Variants in POLR2F observed in about 807,000 individuals in gnomAD.
POLR2F encodes the protein RNA polymerase II, I and III subunit F.
POLR2F carries 12 observed loss-of-function variants against 22.7 expected under a neutral mutation model. That is an observed-to-expected ratio of 0.53 (90% CI 0.34 to 0.86). The LOEUF (loss-of-function observed/expected upper bound fraction) is 0.86, where lower values mean the gene tolerates loss of function less well. POLR2F is among the 40% of genes least tolerant of loss of function. POLR2F has a pLI of 0.02. For synonymous variants in POLR2F, 57 were observed against 66.0 expected (o/e 0.86, Z 0.66); for missense variants, 126 against 171.5 (o/e 0.73, Z 1.48).
Position 38,000,069 on chromosome 22 carries a change from G to A in POLR2F, c.120+13757G>A, listed in dbSNP as rs2084755091. Among the ~76,000 whole-genome samples the A allele has an allele frequency of 2.0e-5, 3 of 152,150 alleles. No individual in the cohort carries two copies. In the South Asian group the frequency reaches 6.2e-4, roughly 32 times the overall value. Reference sequence around the variant, plus strand: ...GCTTATTGGCCCCCAGACCTCCTGTGTGCCAGCGTCATTTCCATATCTGGT... The same window carrying A: ...GCTTATTGGCCCCCAGACCTCCTGTATGCCAGCGTCATTTCCATATCTGGT... On this transcript the variant is annotated intron_variant, in intron 1 of 2. Transcript: ENST00000333418.
Position 37,978,797 on chromosome 22 carries a change from G to A in POLR2F, c.293+11627G>A, listed in dbSNP as rs759842972. On this transcript the variant is annotated intron_variant, in intron 4 of 4. Transcript: ENST00000405557. This position sits in a 1 kb window ranked among gnomAD's most constrained non-coding sequence, Gnocchi z 5.0. ...TTCTTTCTTTCTTTTTTTTTTCTGT[G>A]AGGGAATCTCACTCTGTCACCCATG... is the stretch of plus-strand genomic sequence containing the variant. Among the ~76,000 whole-genome samples, 6 of 151,612 alleles carry A rather than the reference G, an allele frequency of 4.0e-5. No individual in the cohort carries two copies. Among genetic ancestry groups the A allele is most frequent in the Admixed American group, 6.6e-5 (1 of 15,226 alleles).
chr22:37,999,714 GC>G (rs1465009064), intron 1 of POLR2F, among the ~76,000 whole-genome samples: 1 of 152,124 alleles, frequency 6.6e-6, no homozygotes, highest in Non-Finnish European at 1.5e-5. Flanking sequence ...CCACTCCTTG[GC>G]CCTGTGACCT....
chr22:38,034,750 C>T lies in POLR2F; in HGVS notation c.453-6318C>T, dbSNP rs3026671. 4.2e-3 allele frequency among the ~76,000 whole-genome samples: 633 copies of T among 152,270 alleles called. 6 individuals carry two copies. Among genetic ancestry groups the T allele is most frequent in the Admixed American group, 7.4e-3 (113 of 15,302 alleles). ...TGGAGGGGGTTGTGCCTGCGCAGCT[C>T]GGAACAATGAGTCAGAAGCAGCCAG... On this transcript the variant is annotated intron_variant, in intron 5 of 5. Coordinates refer to the POLR2F transcript ENST00000407936.
chr22:38,022,397 C>T (rs1250060467), intron 1 of POLR2F, among the ~76,000 whole-genome samples: 1 of 151,126 alleles, frequency 6.6e-6, no homozygotes, highest in African/African-American at 2.4e-5. Flanking sequence ...ACTAAAAATA[C>T]AAAATTAGCT....
chr22:38,025,895 G>A (rs1271073063), exon 2 of POLR2F: 9 of 808,946 alleles, frequency 1.1e-5, no homozygotes, highest in African/African-American at 1.0e-4. Context: ...TCTCCCTCCT[G>A]TCTTCTACAT....
At chr22:37,971,430 C>T, downstream of POLR2F, 1 of 397,176 alleles carries the variant, frequency 2.5e-6, no homozygotes, top group Non-Finnish European at 5.2e-6. Context: ...GAACTTCCAA[C>T]CATCGGAGTT....
intron 1 of POLR2F, among the ~76,000 whole-genome samples, chr22:37,994,304 G>A (rs1261517369): frequency 2.0e-5 from 3 of 152,158 alleles, no homozygotes; most frequent in African/African-American, 7.2e-5. Flanking sequence ...ACGCACCCCA[G>A]CTCACCTTCA....
In POLR2F at chr22:37,953,741, C is replaced by G; in HGVS notation, c.-47C>G. ...AGTCGTAGTGTCGCTGTTTGCGGGT[C>G]TCCGCGCGGGACCGGGGCGCAGCGG... is the stretch of plus-strand genomic sequence containing the variant. On this transcript the variant is annotated 5_prime_UTR_variant, in exon 1 of 5. Coordinates refer to ENST00000442738, the MANE Select transcript of POLR2F (RefSeq NM_021974.5). 6.3e-7 allele frequency: 1 copy of G among 1,595,414 alleles called. No homozygotes were observed. The highest frequency in any genetic ancestry group is 1.1e-5 in the South Asian group (1 of 88,512).
intron 1 of POLR2F, among the ~76,000 whole-genome samples, chr22:37,956,541 C>G (rs562387946): frequency 6.6e-6 from 1 of 152,030 alleles, no homozygotes; most frequent in Non-Finnish European, 1.5e-5. Context: ...CTCAGCCCCC[C>G]AAGTAGCTGG....
Position 37,978,866 on chromosome 22 carries a change from TC to T in POLR2F, c.293+11699del. On this transcript the variant is annotated intron_variant, in intron 4 of 4. Coordinates refer to the POLR2F transcript ENST00000405557. This position sits in a 1 kb window ranked among gnomAD's most constrained non-coding sequence, Gnocchi z 5.0. The stretch of plus-strand genomic sequence containing the variant: ...ATCTCAGCTCACTGCAACCTCTGCC[TC>T]CCAGGTTCAAGTGATTCTTGTGCCT... 6.6e-6 allele frequency among the ~76,000 whole-genome samples: 1 copy of T among 152,240 alleles called. No homozygotes were observed. Among genetic ancestry groups the T allele is most frequent in the African/African-American group, 2.4e-5 (1 of 41,544 alleles).
In POLR2F at chr22:37,968,685, G is replaced by C; in HGVS notation, c.*970G>C. 1.0e-6 allele frequency: 1 copy of C among 985,452 alleles called. No individual in the cohort carries two copies. Among genetic ancestry groups the C allele is most frequent in the Non-Finnish European group, 1.2e-6 (1 of 829,944 alleles). The allele number at this position is 985,452 out of a possible 1,614,324, so 61.0% of individuals were successfully genotyped here. A position where few individuals can be genotyped will look rare whatever the true frequency, so the allele number is the denominator to read the frequency against. The stretch of plus-strand genomic sequence containing the variant: ...GAGGGTGTATATTGACATGAACAGG[G>C]ATAGAGGGTAAACTGGCTCCCTGAA... On this transcript the variant is annotated 3_prime_UTR_variant, in exon 5 of 5. Transcript: ENST00000442738.
chr22:38,038,246 G>A (rs2085135237), intron 5 of POLR2F, among the ~76,000 whole-genome samples: 1 of 152,178 alleles, frequency 6.6e-6, no homozygotes, highest in South Asian at 2.1e-4. Context: ...ATGGAGCCCT[G>A]GTGGCCCTGG....
At chr22:38,004,178 T>TGGG (rs139899) in intron 1 of POLR2F, among the ~76,000 whole-genome samples, 2 of 151,686 alleles carry the variant, frequency 1.3e-5, no homozygotes, top group East Asian at 1.9e-4. Flanking sequence ...TGTAGAGATG[T>TGGG]GGGGGGGGTC....
At chr22:38,035,179 T>C (rs1481609214) in intron 5 of POLR2F, among the ~76,000 whole-genome samples, 3 of 152,212 alleles carry the variant, frequency 2.0e-5, no homozygotes, top group Non-Finnish European at 1.5e-5. Flanking sequence ...CACACCCTTC[T>C]GTGGCATCGC....
chr22:37,960,075 A>G (rs1210947005), intron 3 of POLR2F, among the ~76,000 whole-genome samples: 1 of 152,004 alleles, frequency 6.6e-6, no homozygotes, highest in African/African-American at 2.4e-5. Context: ...AAGTGTTGGG[A>G]TTGCAGGTGA....
At position 37,980,293 on chromosome 22, in the gene POLR2F, C is replaced by G. The variant is rs1932357693; in HGVS notation, c.293+13123C>G. Among the ~76,000 whole-genome samples, 1 of 152,068 alleles carries G rather than the reference C, an allele frequency of 6.6e-6. No individual in the cohort carries two copies. Among genetic ancestry groups the G allele is most frequent in the Admixed American group, 6.5e-5 (1 of 15,274 alleles). ...AGAGCTGCTCCGCCAGCAGTGGACC[C>G]CAACAGAGGGGCTTCTGGGATGGCT... On this transcript the variant is annotated intron_variant, in intron 4 of 4. Transcript: ENST00000405557. The surrounding 1 kb of genome is among the most constrained non-coding windows in gnomAD (Gnocchi z 4.1).
chr22:37,963,435 TA>T (rs745399780), intron 3 of POLR2F, among the ~76,000 whole-genome samples: 11 of 152,190 alleles, frequency 7.2e-5, no homozygotes, highest in Non-Finnish European at 1.3e-4. Context: ...GACTACAGGC[TA>T]ATGCCACCAC....
chr22:37,966,483 G>A (rs562919608), intron 3 of POLR2F, among the ~76,000 whole-genome samples: 4 of 152,008 alleles, frequency 2.6e-5, no homozygotes, highest in Non-Finnish European at 5.9e-5. Flanking sequence ...TATAGAGAAT[G>A]GAAATGATGC....
chr22:37,975,577 G>C (rs1003942141), intron 4 of POLR2F, among the ~76,000 whole-genome samples: 1 of 152,154 alleles, frequency 6.6e-6, no homozygotes, highest in South Asian at 2.1e-4. Context: ...CATGTCCATG[G>C]TCTTAAGAGA....
Sources: gnomAD v4.1 joint callset for allele counts (sites outside exome capture counted in the v4.1 genomes callset) on GRCh38, gnomAD v4.1.1 for gene constraint, Gnocchi (gnomAD v3.1) non-coding constraint, MANE v1.5 for transcripts, NCBI Gene and HGNC (gene_info 2026-07-23, HGNC 2026-07-21) for gene names.